The following DCDC1 variants were observed in gnomAD, a reference collection of about 807,000 sequenced individuals.
DCDC1 encodes the protein doublecortin domain containing 1, also known as doublecortin domain-containing protein 1.
A neutral mutation model predicts 178.3 loss-of-function variants in DCDC1; 200 were observed. The ratio of observed to expected loss-of-function variants is 1.12; its 90% CI spans 1.00 to 1.26. The LOEUF is 1.26. DCDC1 is among the 50% of genes most tolerant of loss of function. DCDC1 has a pLI of 0.00. For missense variants in DCDC1, 1,983 were observed against 1,749.2 expected (o/e 1.13, Z -2.38); for synonymous variants, 690 against 604.8 (o/e 1.14, Z -2.07).
intron 17 of DCDC1, among the ~76,000 whole-genome samples, chr11:31,080,077 A>G (rs1180491448): frequency 6.6e-6 from 1 of 152,166 alleles, no homozygotes; most frequent in Non-Finnish European, 1.5e-5. Flanking sequence ...GGGGTGATGA[A>G]GGTATTGGGG....
intron 20 of DCDC1, among the ~76,000 whole-genome samples, chr11:30,991,328 A>G (rs1459269452): frequency 6.6e-6 from 1 of 152,174 alleles, no homozygotes; most frequent in Non-Finnish European, 1.5e-5. Flanking sequence ...CATATACCAT[A>G]ATAATAAATA....
chr11:31,176,781 A>G (rs1380800795), intron 9 of DCDC1, among the ~76,000 whole-genome samples: 3 of 152,160 alleles, frequency 2.0e-5, no homozygotes, highest in African/African-American at 7.2e-5. Context: ...ATACTCAGCA[A>G]AGAATACTAT....
chr11:31,055,577 A>C (rs916927482), intron 20 of DCDC1, among the ~76,000 whole-genome samples: 1 of 152,254 alleles, frequency 6.6e-6, no homozygotes, highest in African/African-American at 2.4e-5. Flanking sequence ...CACAATTTGC[A>C]ATTGCAGAAT....
intron 8 of DCDC1, 46 bp downstream of exon 8, chr11:31,265,461 T>G: frequency 9.1e-7 from 1 of 1,096,326 alleles, no homozygotes; most frequent in South Asian, 2.0e-5. Flanking sequence ...AATATAAATG[T>G]CTTTCAAAAT....
chr11:30,987,285 G>T (rs1223893417), intron 20 of DCDC1, among the ~76,000 whole-genome samples: 1 of 152,092 alleles, frequency 6.6e-6, no homozygotes, highest in Admixed American at 6.6e-5. Flanking sequence ...CCAAAGTGCT[G>T]GGATTACAGA....
intron 20 of DCDC1, among the ~76,000 whole-genome samples, chr11:30,991,676 A>G (rs1484062428): frequency 3.3e-5 from 5 of 152,150 alleles, no homozygotes; most frequent in African/African-American, 1.2e-4. Flanking sequence ...TGTCTTCTCC[A>G]GCTTGAAAAA....
At chr11:31,331,321 C>G (rs1196782866) in intron 2 of DCDC1, among the ~76,000 whole-genome samples, 4 of 152,192 alleles carry the variant, frequency 2.6e-5, no homozygotes, top group Non-Finnish European at 4.4e-5. Flanking sequence ...ATCATGTCAT[C>G]TGCAAACAGG....
chr11:30,883,632 T>C, intron 36 of DCDC1: 1 of 228,872 alleles, frequency 4.4e-6, no homozygotes, highest in Non-Finnish European at 9.2e-6. Context: ...CTTCGTTTTC[T>C]GTAACACTGA....
intron 15 of DCDC1, among the ~76,000 whole-genome samples, chr11:31,095,324 A>G (rs183676928): frequency 6.6e-6 from 1 of 152,226 alleles, no homozygotes; most frequent in East Asian, 1.9e-4. Context: ...TGCTGGGTCA[A>G]TGGCATTTCT....
At chr11:30,891,990 T>G (rs529042140) in intron 36 of DCDC1, among the ~76,000 whole-genome samples, 1 of 152,126 alleles carries the variant, frequency 6.6e-6, no homozygotes, top group Non-Finnish European at 1.5e-5. Context: ...GTATCTTGCC[T>G]TTCCACACCC....
intron 17 of DCDC1, among the ~76,000 whole-genome samples, chr11:31,087,655 T>C (rs1565266161): frequency 6.6e-6 from 1 of 152,186 alleles, no homozygotes; most frequent in Non-Finnish European, 1.5e-5. Flanking sequence ...CTTGCCACTA[T>C]ATTTTAGTTT....
chr11:31,288,850 T>G (rs1219980855), intron 7 of DCDC1, among the ~76,000 whole-genome samples: 2 of 151,864 alleles, frequency 1.3e-5, no homozygotes, highest in Non-Finnish European at 2.9e-5. Flanking sequence ...ACAAAATAAT[T>G]AGCAAGCCTT....
chr11:30,915,977 A>G (rs566673962), intron 26 of DCDC1, among the ~76,000 whole-genome samples: 1 of 152,354 alleles, frequency 6.6e-6, no homozygotes, highest in African/African-American at 2.4e-5. Context: ...TTAGCAAAGA[A>G]AAAAGAACTT....
intron 30 of DCDC1, among the ~76,000 whole-genome samples, chr11:30,905,529 A>G (rs1404057714): frequency 1.3e-5 from 2 of 152,142 alleles, no homozygotes; most frequent in African/African-American, 4.8e-5. Context: ...TAACTTTAGG[A>G]TGATTCCACC....
intron 11 of DCDC1, 54 bp from the exon 12 acceptor site, chr11:31,110,415 A>G (rs1959130663): frequency 1.5e-6 from 1 of 661,538 alleles, no homozygotes; most frequent in East Asian, 2.7e-5. Context: ...ACATACATAC[A>G]TATATTCATA....
rs182325573 is a variant in DCDC1 at position 31,272,623 on chromosome 11, A to G, written c.961-7023T>C. Among the ~76,000 whole-genome samples, 244 of 152,334 alleles carry G rather than the reference A, an allele frequency of 1.6e-3. 1 individual carries two copies. Among genetic ancestry groups the G allele is most frequent in the Non-Finnish European group, 2.6e-3 (176 of 68,030 alleles). ...ACAAATGGGCTACAGGCCCCATGCA[A>G]GTCTAAAATCCAACAGGGTGGTCAA... On this transcript the variant is annotated intron_variant, in intron 7 of 38. Transcript: ENST00000684477.
intron 25 of DCDC1, 109 bp from the exon 26 acceptor site, chr11:30,917,137 T>A: frequency 9.2e-7 from 1 of 1,088,376 alleles, no homozygotes; most frequent in Non-Finnish European, 1.2e-6. Context: ...GGTGGATCTA[T>A]AAATCTTATT....
intron 3 of DCDC1, among the ~76,000 whole-genome samples, chr11:31,323,473 A>G (rs1028993462): frequency 3.9e-5 from 6 of 152,174 alleles, no homozygotes; most frequent in Non-Finnish European, 7.4e-5. Context: ...TTAGCCCTTC[A>G]TTATTTGGTA....
Position 31,257,715 on chromosome 11 carries a change from CACACAT to C in DCDC1, c.1054+7786_1054+7791del, listed in dbSNP as rs747184898. Among the ~76,000 whole-genome samples the C allele has an allele frequency of 1.8e-4, 27 of 151,340 alleles. No homozygotes were observed. In the South Asian group the frequency reaches 3.1e-3, roughly 18 times the overall value. The stretch of plus-strand genomic sequence containing the variant: ...GAAAACACACACACACACACACACA[CACACAT>C]ACACACACACACATACACACACGCT... On this transcript the variant is annotated intron_variant, in intron 8 of 38. Coordinates refer to ENST00000684477, the MANE Select transcript of DCDC1 (RefSeq NM_001387274.1).
Sources: gnomAD v4.1 joint callset for allele counts (sites outside exome capture counted in the v4.1 genomes callset) on GRCh38, gnomAD v4.1.1 for gene constraint, MANE v1.5 for transcripts, NCBI Gene and HGNC (gene_info 2026-07-23, HGNC 2026-07-21) for gene names.